EYS: variants seen among roughly 807,000 people sequenced by gnomAD.
The protein encoded by EYS is EGF-like photoreceptor maintenance factor.
A neutral mutation model predicts 282.1 loss-of-function variants in EYS; 250 were observed. The observed-to-expected ratio is 0.89, with a 90% confidence interval of 0.80 to 0.98. EYS has a LOEUF of 0.98. Ranked by LOEUF, EYS falls within the 50% of genes least tolerant of loss-of-function variation. The pLI, the probability that EYS is intolerant of heterozygous loss-of-function variation, is 0.00. For missense variants in EYS, 4,016 were observed against 3,709.0 expected, an observed-to-expected ratio of 1.08 and a Z score of -2.15; for synonymous variants, 1,355 against 1,282.9, an observed-to-expected ratio of 1.06 and a Z score of -1.20.
intron 22 of EYS, among the ~76,000 whole-genome samples, chr6:64,627,116 A>G (rs901481920): frequency 1.5e-4 from 23 of 152,340 alleles, no homozygotes; most frequent in African/African-American, 5.5e-4. Flanking sequence ...CAATGTCCAT[A>G]GCTATAGATA....
At position 65,582,046 on chromosome 6, in the gene EYS, A is replaced by G. The variant is rs959277435; in HGVS notation, c.-333+57732T>C. ...CTACTAAAAATATATATATATATAAATTAGCCAAGTATGGTGGTGCACACC... is the reference window on the plus strand; with the variant it reads ...CTACTAAAAATATATATATATATAAGTTAGCCAAGTATGGTGGTGCACACC... On this transcript the variant is annotated intron_variant, in intron 2 of 42. Transcript: ENST00000503581. 2.4e-4 allele frequency among the ~76,000 whole-genome samples: 37 copies of G among 151,482 alleles called. 1 individual carries two copies. The highest frequency in any genetic ancestry group is 6.3e-4 in the African/African-American group (26 of 41,370).
chr6:63,741,434 G>C (rs1302375739), intron 41 of EYS, among the ~76,000 whole-genome samples: 1 of 152,184 alleles, frequency 6.6e-6, no homozygotes, highest in Non-Finnish European at 1.5e-5. Flanking sequence ...GTAAAGATAT[G>C]TGTTCTCAAA....
intron 29 of EYS, among the ~76,000 whole-genome samples, chr6:64,358,506 C>T (rs753642183): frequency 1.3e-3 from 199 of 151,688 alleles, no homozygotes; most frequent in Admixed American, 4.4e-3. Flanking sequence ...TATTCAATCT[C>T]CACTGCCAAA....
intron 37 of EYS, 44 bp downstream of exon 37, chr6:63,806,146 C>T (rs1770902580): frequency 6.7e-7 from 1 of 1,486,090 alleles, no homozygotes; most frequent in Non-Finnish European, 9.1e-7. Context: ...CTAAAGTATT[C>T]TTAAAGGAGC....
chr6:65,467,340 G>A (rs1469530514), intron 5 of EYS, among the ~76,000 whole-genome samples: 4 of 151,888 alleles, frequency 2.6e-5, no homozygotes, highest in African/African-American at 4.8e-5. Context: ...GAACAAATAG[G>A]TAAAATACTG....
At chr6:64,593,621 T>C (rs542920493) in intron 24 of EYS, among the ~76,000 whole-genome samples, 1 of 152,296 alleles carries the variant, frequency 6.6e-6, no homozygotes, top group Admixed American at 6.5e-5. Context: ...TGTATGGTAA[T>C]TAATGTGGAT....
chr6:64,930,461 TAAAAAAAAAAAA>T (rs55650031), intron 15 of EYS, among the ~76,000 whole-genome samples: 36 of 123,032 alleles, frequency 2.9e-4, no homozygotes, highest in Non-Finnish European at 5.7e-4. Flanking sequence ...ATAAATAAGG[TAAAAAAAAAAAA>T]AAAAAAAAAG....
chr6:64,511,225 C>CAT lies in EYS; in HGVS notation c.5645-71875_5645-71874dup, dbSNP rs768014031. On this transcript the variant is annotated intron_variant, in intron 26 of 42. Coordinates refer to ENST00000503581, the MANE Select transcript of EYS (RefSeq NM_001142800.2). Reference sequence around the variant, plus strand: ...GAAGGCCACCACAACTCTCTCTCTACATATATATATATCATATATATATAT... The same window carrying CAT: ...GAAGGCCACCACAACTCTCTCTCTACATATATATATATATCATATATATATAT... 9.1e-3 allele frequency among the ~76,000 whole-genome samples: 1,134 copies of CAT among 124,786 alleles called. 11 individuals carry two copies. The highest frequency in any genetic ancestry group is 0.041 in the African/African-American group (1,045 of 25,594). 81.9% of individuals were successfully genotyped at this position (124,786 alleles called of 152,430 possible).
intron 12 of EYS, among the ~76,000 whole-genome samples, chr6:65,213,553 T>C (rs2150253729): frequency 6.6e-6 from 1 of 152,286 alleles, no homozygotes; most frequent in East Asian, 1.9e-4. Context: ...TCATTATTAT[T>C]TTATCTGTTA....
intron 26 of EYS, among the ~76,000 whole-genome samples, chr6:64,564,523 C>T (rs912187559): frequency 7.2e-5 from 11 of 151,994 alleles, no homozygotes; most frequent in African/African-American, 2.4e-4. Flanking sequence ...CCTCGTGATC[C>T]GTCCACCTCC....
chr6:64,525,646 C>A (rs937725459), intron 26 of EYS, among the ~76,000 whole-genome samples: 1 of 151,426 alleles, frequency 6.6e-6, no homozygotes, highest in Non-Finnish European at 1.5e-5. Flanking sequence ...ATACAACAAA[C>A]CTGCAAGTAT....
rs1395113042 is a variant in EYS, at chr6:64,511,609, G to A, written c.5645-72257C>T. Among the ~76,000 whole-genome samples, 4 of 151,996 alleles carry A rather than the reference G, an allele frequency of 2.6e-5. No individual in the cohort carries two copies. The East Asian group carries it at 5.8e-4, about 22-fold the overall frequency. On this transcript the variant is annotated intron_variant, in intron 26 of 42. Transcript: ENST00000503581. ...GATGTACGCAACTCTGCATCCCAGT[G>A]ACTCCAGAACACGAACACTGCTTTA...
rs1457143713 is a variant in EYS at position 65,116,768 on chromosome 6, C to T, written c.2024-59041G>A. On this transcript the variant is annotated intron_variant, in intron 12 of 42. Transcript: ENST00000503581. ...TCCAAGACAATATATTTTATATCTA[C>T]ATTAAGCAGAATAGGGTTTGTGACT... 2.0e-5 allele frequency among the ~76,000 whole-genome samples: 3 copies of T among 152,158 alleles called. No individual in the cohort carries two copies. In the East Asian group the frequency reaches 5.8e-4, roughly 29 times the overall value.
chr6:65,595,576 A>G (rs116793876), intron 2 of EYS, among the ~76,000 whole-genome samples: 261 of 151,946 alleles, frequency 1.7e-3, no homozygotes, highest in Middle Eastern at 6.8e-3. Context: ...TCACAGGACC[A>G]TTTGGAATCT....
intron 36 of EYS, among the ~76,000 whole-genome samples, chr6:63,863,503 A>G (rs984754389): frequency 3.9e-5 from 6 of 152,158 alleles, no homozygotes; most frequent in Non-Finnish European, 8.8e-5. Flanking sequence ...TCGGTTTGCC[A>G]AAATGACATG....
chr6:65,060,567 A>T (rs372587992), intron 12 of EYS, among the ~76,000 whole-genome samples: 49 of 151,744 alleles, frequency 3.2e-4, no homozygotes, highest in African/African-American at 1.1e-3. Flanking sequence ...TCACCCTCTT[A>T]CCCAAGTAAC....
chr6:64,676,342 A>ATCTC (rs879376220), intron 22 of EYS, among the ~76,000 whole-genome samples: 2 of 145,216 alleles, frequency 1.4e-5, no homozygotes, highest in South Asian at 2.2e-4. Flanking sequence ...ATATATCTAT[A>ATCTC]TATATATATA....
intron 33 of EYS, among the ~76,000 whole-genome samples, chr6:64,053,087 A>T (rs1426163352): frequency 2.0e-5 from 3 of 152,172 alleles, no homozygotes; most frequent in Admixed American, 2.0e-4. Flanking sequence ...AATTTATCAT[A>T]CATATTTTGT....
At chr6:65,018,858 T>C (rs1158113490) in intron 13 of EYS, among the ~76,000 whole-genome samples, 1 of 152,210 alleles carries the variant, frequency 6.6e-6, no homozygotes, top group Non-Finnish European at 1.5e-5. Context: ...TGTATTGTTG[T>C]TGTTGTTTAA....
Sources: gnomAD v4.1 joint callset for allele counts (sites outside exome capture counted in the v4.1 genomes callset) on GRCh38, gnomAD v4.1.1 for gene constraint, MANE v1.5 for transcripts, NCBI Gene and HGNC (gene_info 2026-07-23, HGNC 2026-07-21) for gene names.